RFC1: variants seen among roughly 807,000 people sequenced by gnomAD.
RFC1 encodes the protein A1 140 kDa subunit.
RFC1 carries 37 observed loss-of-function variants against 137.4 expected under a neutral mutation model. The ratio of observed to expected loss-of-function variants is 0.27; its 90% confidence interval spans 0.21 to 0.35. RFC1 has a LOEUF of 0.35. RFC1 is among the 10% of genes least tolerant of loss of function. The probability of loss-of-function intolerance (pLI) is 1.00; values close to 1 mark genes in which losing one functional copy is unlikely to be tolerated. For synonymous variants in RFC1, 429 were observed against 455.7 expected (o/e 0.94, Z 0.75); for missense variants, 1,205 against 1,358.5 (o/e 0.89, Z 1.78).
chr4:39,366,052 A>G (rs1337759012), intron 1 of RFC1, among the ~76,000 whole-genome samples, 187 bp downstream of exon 1: 1 of 152,206 alleles, frequency 6.6e-6, no homozygotes, highest in Non-Finnish European at 1.5e-5. Context: ...GCCCAGAGCC[A>G]GAGCCCGCGA....
rs1320476098 is a variant in RFC1, at chr4:39,317,612, T to C, written c.1096-590A>G. Among the ~76,000 whole-genome samples the C allele has an allele frequency of 5.3e-5, 8 of 152,296 alleles. 1 individual carries two copies. In the South Asian group the frequency reaches 1.7e-3, roughly 32 times the overall value. On this transcript the variant is annotated intron_variant, in intron 9 of 24. Coordinates refer to ENST00000349703, the MANE Select transcript of RFC1 (RefSeq NM_002913.5). The stretch of plus-strand genomic sequence containing the variant: ...TCTACTTCTCTCGGGGAATTTACCA[T>C]AGGTATATCTCAGAAAATCCTGGGG...
chr4:39,338,171 G>A (rs922261652), intron 4 of RFC1, among the ~76,000 whole-genome samples: 3 of 152,126 alleles, frequency 2.0e-5, no homozygotes, highest in African/African-American at 7.2e-5. Flanking sequence ...TTTATAAGCA[G>A]TTCTTTCCTT....
chr4:39,313,968 G>T (rs1417959826), intron 10 of RFC1, among the ~76,000 whole-genome samples: 1 of 152,088 alleles, frequency 6.6e-6, no homozygotes, highest in South Asian at 2.1e-4. Flanking sequence ...TTTTGCAATG[G>T]TTCAATAAAA....
intron 2 of RFC1, among the ~76,000 whole-genome samples, chr4:39,346,064 C>T (rs17287936): frequency 1.3e-5 from 2 of 152,056 alleles, no homozygotes; most frequent in African/African-American, 2.4e-5. Flanking sequence ...CCTATGTATA[C>T]AACAAAGAAT....
chr4:39,322,648 T>C (rs1739574169), intron 7 of RFC1, among the ~76,000 whole-genome samples: 1 of 152,056 alleles, frequency 6.6e-6, no homozygotes, highest in Non-Finnish European at 1.5e-5. Flanking sequence ...GCACAGAAGC[T>C]CATGCTTCTA....
chr4:39,348,457 A>G (rs550144246), intron 2 of RFC1, among the ~76,000 whole-genome samples: 126 of 134,414 alleles, frequency 9.4e-4, no homozygotes, highest in Middle Eastern at 4.1e-3. Context: ...AAGAAAAGAA[A>G]AGAAAAGAAA....
chr4:39,320,219 CAT>C (rs1739443344), intron 9 of RFC1, among the ~76,000 whole-genome samples, 162 bp downstream of exon 9: 1 of 152,016 alleles, frequency 6.6e-6, no homozygotes, highest in African/African-American at 2.4e-5. Flanking sequence ...CATGGTGGCA[CAT>C]GCCTGTAATC....
intron 7 of RFC1, among the ~76,000 whole-genome samples, chr4:39,322,859 G>C (rs1166837153): frequency 6.6e-6 from 1 of 151,712 alleles, no homozygotes. Flanking sequence ...TGAGGCAGGA[G>C]AATCACTTGA....
chr4:39,304,924 A>C lies in RFC1; in HGVS notation c.2000T>G (p.Leu667Trp). 1 of 1,596,492 alleles carries C rather than the reference A, an allele frequency of 6.3e-7. No individual in the cohort carries two copies. Among genetic ancestry groups the C allele is most frequent in the Non-Finnish European group, 8.6e-7 (1 of 1,164,076 alleles). The change falls in exon 15 of 25, where the codon TTG becomes TGG. Residue 667 changes from leucine (L) to tryptophan (W), a missense_variant. Transcript: ENST00000349703. ...ATTCAGTTCCACGTAGCTGTATCCC[A>C]ACTCCTAATCAAAATATTGGAAACC... ...TTTASLVCQE[L>W]GYSYVELNAS...
chr4:39,351,307 T>G (rs747076775), intron 2 of RFC1, 41 bp downstream of exon 2: 42 of 1,146,144 alleles, frequency 3.7e-5, no homozygotes, highest in Non-Finnish European at 4.7e-5. Context: ...TGAGTTTATT[T>G]TACATTTCAT....
chr4:39,306,496 A>ACG, intron 14 of RFC1, 96 bp downstream of exon 14: 1 of 669,860 alleles, frequency 1.5e-6, no homozygotes, highest in South Asian at 1.7e-5. Context: ...CACCACACAC[A>ACG]CACATGCACA....
chr4:39,325,479 C>G (rs564621385), intron 6 of RFC1, among the ~76,000 whole-genome samples: 2 of 152,322 alleles, frequency 1.3e-5, no homozygotes, highest in Non-Finnish European at 2.9e-5. Flanking sequence ...ACCTCCCAGG[C>G]TCAAGCAATC....
intron 1 of RFC1, among the ~76,000 whole-genome samples, chr4:39,357,217 A>G (rs1026168457): frequency 2.6e-5 from 4 of 152,098 alleles, no homozygotes; most frequent in African/African-American, 9.7e-5. Context: ...TACTTCCCCT[A>G]CTCACCCCAG....
intron 1 of RFC1, among the ~76,000 whole-genome samples, chr4:39,358,279 A>G (rs1741582779): frequency 6.6e-6 from 1 of 152,198 alleles, no homozygotes; most frequent in African/African-American, 2.4e-5. Flanking sequence ...TTTCAAAAAA[A>G]AAGAAATTAA....
At chr4:39,345,518 A>AT (rs775490298) in intron 2 of RFC1, 42 bp from the exon 3 acceptor site, 1 of 1,487,234 alleles carries the variant, frequency 6.7e-7, no homozygotes, top group Non-Finnish European at 9.2e-7. Context: ...AGAAGCCTAT[A>AT]TAACTATCTT....
chr4:39,306,486 C>CA (rs1450990689), intron 14 of RFC1, 106 bp downstream of exon 14: 6 of 581,574 alleles, frequency 1.0e-5, no homozygotes, highest in African/African-American at 7.2e-5. Context: ...TATATATAGA[C>CA]ACCACACACA....
Position 39,327,652 on chromosome 4 carries a change from C to G in RFC1, c.436G>C (p.Glu146Gln), listed in dbSNP as rs760942281. Residue 146 changes from glutamate (E) to glutamine (Q), a missense_variant, in exon 5 of 25, where the codon GAA (glutamate) becomes CAA (glutamine). Glu to Gln is a conservative substitution (Grantham distance 29). Transcript: ENST00000349703. ...LGTSNMKKNEENTKTKNKPLS... is the reference protein window; with the variant it reads ...LGTSNMKKNEQNTKTKNKPLS... ...GGCTTATTCTTGGTCTTAGTGTTTT[C>G]TTCATTCTTTTTCATGTTTGATGTT... 6.2e-7 allele frequency: 1 copy of G among 1,613,498 alleles called. No homozygotes were observed. Among genetic ancestry groups the G allele is most frequent in the South Asian group, 1.1e-5 (1 of 91,056 alleles).
chr4:39,312,681 G>T (rs547350334), intron 11 of RFC1, 71 bp downstream of exon 11: 578 of 1,336,754 alleles, frequency 4.3e-4, no homozygotes, highest in Non-Finnish European at 5.8e-4. Context: ...CTGAGTAAAG[G>T]GCAAATCACA....
intron 14 of RFC1, 31 bp downstream of exon 14, chr4:39,306,561 C>T: frequency 2.4e-6 from 3 of 1,228,486 alleles, no homozygotes; most frequent in Non-Finnish European, 3.6e-6. Context: ...TCGAGGTTAT[C>T]TGTCCGACCA....
Sources: gnomAD v4.1 joint callset for allele counts (sites outside exome capture counted in the v4.1 genomes callset) on GRCh38, gnomAD v4.1.1 for gene constraint, MANE v1.5 for transcripts, NCBI Gene and HGNC (gene_info 2026-07-23, HGNC 2026-07-21) for gene names.